PLD5: variants seen among roughly 807,000 people sequenced by gnomAD.
PLD5 encodes the protein phospholipase D family member 5.
A neutral mutation model predicts 61.1 loss-of-function variants in PLD5; 36 were observed. That is an observed-to-expected ratio of 0.59 (90% confidence interval 0.45 to 0.78). The LOEUF (loss-of-function observed/expected upper bound fraction) is 0.78. Among genes scored for constraint, PLD5 ranks in the 30% least tolerant of loss-of-function variants. The pLI is 0.00. For missense variants in PLD5, 515 were observed against 644.4 expected, an observed-to-expected ratio of 0.80 and a Z score of 2.17; for synonymous variants, 243 against 242.8, an observed-to-expected ratio of 1.00 and a Z score of -0.01.
At chr1:242,283,401 C>T (rs1190298105) in intron 3 of PLD5, among the ~76,000 whole-genome samples, 1 of 152,154 alleles carries the variant, frequency 6.6e-6, no homozygotes, top group Non-Finnish European at 1.5e-5. Context: ...TTTCTTATTG[C>T]TACATTATAA....
intron 1 of PLD5, among the ~76,000 whole-genome samples, chr1:242,474,524 T>C (rs1354958765): frequency 6.6e-6 from 1 of 152,232 alleles, no homozygotes; most frequent in Non-Finnish European, 1.5e-5. Flanking sequence ...ATTTAAGATA[T>C]TGCAATAGAG....
chr1:242,345,622 A>G (rs1660086513), intron 2 of PLD5: 13 of 1,172,270 alleles, frequency 1.1e-5, no homozygotes, highest in Non-Finnish European at 1.5e-5. Flanking sequence ...TTGGCAGAAT[A>G]TGACTTTCAG....
chr1:242,454,048 G>T (rs1666868170), intron 1 of PLD5, among the ~76,000 whole-genome samples: 1 of 152,118 alleles, frequency 6.6e-6, no homozygotes, highest in Non-Finnish European at 1.5e-5. Flanking sequence ...TTTAACTTCA[G>T]GCTGGCTGCG....
intron 5 of PLD5, among the ~76,000 whole-genome samples, chr1:242,183,969 C>G (rs1667707891): frequency 7.4e-6 from 1 of 135,416 alleles, no homozygotes; most frequent in Non-Finnish European, 1.6e-5. Context: ...GTCCAAATGA[C>G]TTCATATTTA....
At chr1:242,314,421 T>C (rs1368786176) in intron 2 of PLD5, among the ~76,000 whole-genome samples, 3 of 152,176 alleles carry the variant, frequency 2.0e-5, no homozygotes, top group South Asian at 2.1e-4. Flanking sequence ...GGGAAGATCA[T>C]TGGTCTTCAG....
chr1:242,262,785 G>T (rs1287562351), intron 4 of PLD5, among the ~76,000 whole-genome samples: 1 of 152,088 alleles, frequency 6.6e-6, no homozygotes, highest in Non-Finnish European at 1.5e-5. Context: ...GTGCAGGGAG[G>T]GAAAGAAAGC....
chr1:242,141,274 T>C (rs376953191), intron 5 of PLD5, among the ~76,000 whole-genome samples: 2 of 152,262 alleles, frequency 1.3e-5, no homozygotes, highest in South Asian at 2.1e-4. Flanking sequence ...CAAGGTCCCA[T>C]TGGACAGACT....
chr1:242,218,516 TGA>T (rs567076723), intron 5 of PLD5, among the ~76,000 whole-genome samples: 14 of 152,302 alleles, frequency 9.2e-5, no homozygotes, highest in African/African-American at 1.9e-4. Context: ...GCTCAAGTAT[TGA>T]GCAAGAGTAG....
chr1:242,437,113 G>A (rs1028485360), intron 1 of PLD5, among the ~76,000 whole-genome samples: 1 of 152,132 alleles, frequency 6.6e-6, no homozygotes, highest in Admixed American at 6.6e-5. Flanking sequence ...AGGAAGGGGA[G>A]GTACAAGATG....
At chr1:242,160,182 AT>A (rs1379225538) in intron 5 of PLD5, among the ~76,000 whole-genome samples, 1 of 151,918 alleles carries the variant, frequency 6.6e-6, no homozygotes, top group African/African-American at 2.4e-5. Context: ...TGGCTAATTA[AT>A]TTTTGTCTAT....
At chr1:242,392,323 G>C in intron 1 of PLD5, among the ~76,000 whole-genome samples, 1 of 152,034 alleles carries the variant, frequency 6.6e-6, no homozygotes, top group Non-Finnish European at 1.5e-5. Flanking sequence ...CACTACCTGG[G>C]GGATGGGATC....
chr1:242,339,533 C>T (rs755295402), intron 2 of PLD5, among the ~76,000 whole-genome samples: 22 of 152,158 alleles, frequency 1.4e-4, no homozygotes, highest in Non-Finnish European at 2.9e-4. Flanking sequence ...CTCTTCATTA[C>T]AAAGTTTTCC....
chr1:242,264,339 A>G (rs1410939899), intron 4 of PLD5, among the ~76,000 whole-genome samples: 2 of 152,200 alleles, frequency 1.3e-5, no homozygotes, highest in Non-Finnish European at 1.5e-5. Flanking sequence ...TCCTGTGCAT[A>G]GAAAACATGT....
chr1:242,140,888 G>A (rs2148789337), intron 5 of PLD5, among the ~76,000 whole-genome samples: 1 of 152,270 alleles, frequency 6.6e-6, no homozygotes, highest in Non-Finnish European at 1.5e-5. Context: ...TCCAAGAGGA[G>A]CCACAGCTCA....
intron 2 of PLD5, among the ~76,000 whole-genome samples, chr1:242,299,083 AAATGTAATTATATTATTACCTCT>A (rs1289911357): frequency 6.6e-6 from 1 of 151,330 alleles, no homozygotes; most frequent in Non-Finnish European, 1.5e-5. Flanking sequence ...ACAGCTAGCA[AAATGTAATTATATTATTACCTCT>A]ATTACATTAA....
At chr1:242,323,531 G>A (rs1269781205) in intron 2 of PLD5, among the ~76,000 whole-genome samples, 4 of 152,216 alleles carry the variant, frequency 2.6e-5, no homozygotes, top group South Asian at 2.1e-4. Flanking sequence ...GAGTGAATAC[G>A]CCTCTCTAAT....
chr1:242,420,927 C>T (rs762461844), intron 1 of PLD5, among the ~76,000 whole-genome samples: 13 of 151,980 alleles, frequency 8.6e-5, no homozygotes, highest in Non-Finnish European at 1.8e-4. Flanking sequence ...GCCTGTAATC[C>T]CTTTGGGATT....
the PLD5 span, among the ~76,000 whole-genome samples, chr1:242,530,084 G>A: frequency 6.6e-6 from 1 of 152,148 alleles, no homozygotes; most frequent in South Asian, 2.1e-4. Flanking sequence ...AGTAGAGATG[G>A]GGTTTCACCA....
At chr1:242,378,237 G>A (rs1382555487) in intron 1 of PLD5, among the ~76,000 whole-genome samples, 3 of 152,132 alleles carry the variant, frequency 2.0e-5, no homozygotes, top group South Asian at 2.1e-4. Context: ...AAAACATTAC[G>A]CTAAGTGAAA....
Sources: gnomAD v4.1 joint callset for allele counts (sites outside exome capture counted in the v4.1 genomes callset) on GRCh38, gnomAD v4.1.1 for gene constraint, MANE v1.5 for transcripts, NCBI Gene and HGNC (gene_info 2026-07-23, HGNC 2026-07-21) for gene names.